TMEM268: variants seen among roughly 807,000 people sequenced by gnomAD.
TMEM268 encodes the protein transmembrane protein 268, also known as transmembrane protein C9orf91.
A neutral mutation model predicts 39.1 loss-of-function variants in TMEM268; 24 were observed. The observed-to-expected ratio is 0.61, with a 90% CI of 0.44 to 0.86. TMEM268 has a LOEUF of 0.86. TMEM268 is among the 40% of genes least tolerant of loss of function. TMEM268 has a pLI of 0.00. For synonymous variants in TMEM268, 176 were observed against 173.5 expected (o/e 1.01, Z -0.12); for missense variants, 409 against 428.6 (o/e 0.95, Z 0.40).
intron 5 of TMEM268, among the ~76,000 whole-genome samples, chr9:114,628,693 G>A (rs1846265361): frequency 2.0e-5 from 3 of 152,244 alleles, no homozygotes; most frequent in Admixed American, 2.0e-4. Context: ...CCGACCTGGT[G>A]CTCTATTGAC....
chr9:114,608,876 G>T (rs1845400902), upstream of TMEM268, among the ~76,000 whole-genome samples: 1 of 152,132 alleles, frequency 6.6e-6, no homozygotes, highest in African/African-American at 2.4e-5. Flanking sequence ...GGGTGCCTGG[G>T]TGGTATCTAC....
intron 1 of TMEM268, among the ~76,000 whole-genome samples, chr9:114,616,872 G>C: frequency 6.6e-6 from 1 of 152,116 alleles, no homozygotes; most frequent in East Asian, 1.9e-4. Context: ...GGCTGTGCCT[G>C]AGCTGGAGAA....
chr9:114,616,178 G>T (rs893667459), intron 1 of TMEM268, among the ~76,000 whole-genome samples: 1 of 150,934 alleles, frequency 6.6e-6, no homozygotes, highest in Non-Finnish European at 1.5e-5. Context: ...ACCACGCCTG[G>T]CTAATTTTTT....
intron 2 of TMEM268, among the ~76,000 whole-genome samples, chr9:114,620,597 G>A (rs771077372): frequency 1.3e-5 from 2 of 152,114 alleles, no homozygotes; most frequent in Non-Finnish European, 2.9e-5. Context: ...TATGGAACAA[G>A]GTGTGGGAGG....
intron 1 of TMEM268, among the ~76,000 whole-genome samples, chr9:114,613,057 T>G (rs577493570): frequency 6.6e-6 from 1 of 152,362 alleles, no homozygotes; most frequent in South Asian, 2.1e-4. Flanking sequence ...GAAGTTACTG[T>G]CGTTATCCCC....
rs778638883 is a variant in TMEM268, at chr9:114,624,425, C to T, written c.182C>T (p.Ala61Val). ...TCAPISFDLG[A>V]AEEQLQTWGI... ...GCACCCATCTCCTTCGACCTGGGAG[C>T]CGCAGAAGAGCAACTGCAAACTTGG... The change falls in exon 3 of 9, where the codon GCC (alanine) becomes GTC (valine). Residue 61 changes from alanine (A) to valine (V), a missense_variant. Coordinates refer to ENST00000288502, the MANE Select transcript of TMEM268 (RefSeq NM_153045.4). 9 of 1,590,898 alleles carry T rather than the reference C, an allele frequency of 5.7e-6. No homozygotes were observed. In the East Asian group the frequency reaches 2.0e-4, roughly 36 times the overall value.
chr9:114,609,417 C>G (rs1845409291), upstream of TMEM268, among the ~76,000 whole-genome samples: 1 of 152,158 alleles, frequency 6.6e-6, no homozygotes, highest in Admixed American at 6.5e-5. Flanking sequence ...ACGTGTAATC[C>G]CAGCACTTTG....
At chr9:114,620,147 G>A (rs1161325052) in intron 2 of TMEM268, among the ~76,000 whole-genome samples, 1 of 152,098 alleles carries the variant, frequency 6.6e-6, no homozygotes, top group East Asian at 1.9e-4. Flanking sequence ...CCTGGGAGGC[G>A]GAGGTTGCAG....
chr9:114,605,265 T>C, the TMEM268 span, among the ~76,000 whole-genome samples: 3 of 152,226 alleles, frequency 2.0e-5, no homozygotes, highest in African/African-American at 7.2e-5. Context: ...TGTCAACTGA[T>C]CTCACATCAC....
intron 3 of TMEM268, among the ~76,000 whole-genome samples, chr9:114,626,325 T>C (rs1846159636): frequency 6.6e-6 from 1 of 152,176 alleles, no homozygotes; most frequent in Non-Finnish European, 1.5e-5. Context: ...GCCTTTATAT[T>C]CTATAGACGC....
chr9:114,624,158 A>G, intron 2 of TMEM268, 192 bp from the exon 3 acceptor site: 5 of 1,298,294 alleles, frequency 3.9e-6, no homozygotes, highest in South Asian at 1.6e-5. Flanking sequence ...TCTGGCCTTA[A>G]TTCTGCCTCC....
At chr9:114,616,237 G>A (rs1473955218) in intron 1 of TMEM268, among the ~76,000 whole-genome samples, 3 of 150,718 alleles carry the variant, frequency 2.0e-5, no homozygotes, top group African/African-American at 7.3e-5. Context: ...GGATGGTCTC[G>A]ATCTCCTGAC....
intron 1 of TMEM268, among the ~76,000 whole-genome samples, chr9:114,613,321 C>T (rs1003289836): frequency 6.6e-6 from 1 of 152,246 alleles, no homozygotes; most frequent in Non-Finnish European, 1.5e-5. Context: ...GAAAGGCTAC[C>T]TGTGCAACTC....
intron 3 of TMEM268, among the ~76,000 whole-genome samples, chr9:114,625,787 G>A (rs914936338): frequency 2.6e-5 from 4 of 151,162 alleles, no homozygotes; most frequent in Non-Finnish European, 4.4e-5. Flanking sequence ...TTGTTCTACC[G>A]TGTTCCTAAA....
chr9:114,615,451 T>C (rs954909796), intron 1 of TMEM268: 4 of 152,436 alleles, frequency 2.6e-5, no homozygotes, highest in African/African-American at 9.6e-5. Context: ...AAAACATTTC[T>C]TTTTTGAGGC....
In TMEM268 at chr9:114,643,501, A is replaced by G; in HGVS notation, c.*188A>G. ...GGCCCAGCACAAAAATCCTTGTTTG[A>G]CATCTCATGCTGACCCCCTGGCCTT... On this transcript the variant is annotated 3_prime_UTR_variant, in exon 9 of 9. Coordinates refer to ENST00000288502, the MANE Select transcript of TMEM268 (RefSeq NM_153045.4). 1 of 594,452 alleles carries G rather than the reference A, an allele frequency of 1.7e-6. No homozygotes were observed. Among genetic ancestry groups the G allele is most frequent in the South Asian group, 2.1e-5 (1 of 48,378 alleles). The allele number at this position is 594,452 out of a possible 1,614,324, so 36.8% of individuals were successfully genotyped here.
chr9:114,609,703 AAAAG>A (rs1393410916), upstream of TMEM268, among the ~76,000 whole-genome samples: 3 of 137,592 alleles, frequency 2.2e-5, no homozygotes, highest in African/African-American at 8.9e-5. Flanking sequence ...AAGAAAAAGA[AAAAG>A]AAAAAGAAAA....
At chr9:114,621,406 G>A (rs185770044) in intron 2 of TMEM268, among the ~76,000 whole-genome samples, 11 of 152,044 alleles carry the variant, frequency 7.2e-5, no homozygotes, top group East Asian at 1.9e-4. Context: ...TACACCAAAC[G>A]TGTATTTAAT....
At chr9:114,627,411 GTA>G (rs750073576) in intron 4 of TMEM268, among the ~76,000 whole-genome samples, 1 of 151,814 alleles carries the variant, frequency 6.6e-6, no homozygotes, top group Non-Finnish European at 1.5e-5. Context: ...ATACACATAT[GTA>G]TATATATATA....
Sources: allele counts gnomAD v4.1 joint callset (sites outside exome capture counted in the v4.1 genomes callset), GRCh38; gene constraint gnomAD v4.1.1; transcripts MANE v1.5; gene names NCBI Gene and HGNC (gene_info 2026-07-23, HGNC 2026-07-21).